The following HIPK1 variants were observed in gnomAD, a reference collection of about 807,000 sequenced individuals.
HIPK1 encodes homeodomain-interacting protein kinase 1.
HIPK1 carries 28 observed loss-of-function variants against 117.1 expected under a neutral mutation model. That is an observed-to-expected ratio of 0.24 (90% CI 0.18 to 0.33). The LOEUF (loss-of-function observed/expected upper bound fraction) is 0.33. Among genes scored for constraint, HIPK1 ranks in the 10% least tolerant of loss-of-function variants. The pLI is 1.00. For synonymous variants in HIPK1, 605 were observed against 562.5 expected (o/e 1.08, Z -1.07); for missense variants, 1,122 against 1,475.1 (o/e 0.76, Z 3.92).
intron 8 of HIPK1, among the ~76,000 whole-genome samples, chr1:113,960,204 T>C (rs1039383099): frequency 7.9e-5 from 12 of 152,258 alleles, no homozygotes; most frequent in Non-Finnish European, 1.3e-4. Flanking sequence ...CAATTTATTC[T>C]TTCCATACTT....
chr1:113,963,401 A>G lies in HIPK1; in HGVS notation c.2118A>G (p.Pro706=), dbSNP rs1323789231. The stretch of plus-strand genomic sequence containing the variant: ...CTACGTTTCAGGGAAGCTGTACACC[A>G]CTAATGGTAGCAACTCTCCACCCTC... The part of the protein sequence containing the change: ...SGVLTQGSCT[P]LMVATLHPQV... Residue 706 remains proline (P), a synonymous_variant, in exon 10 of 16, where the codon CCA becomes CCG. Coordinates refer to ENST00000426820, the MANE Select transcript of HIPK1 (RefSeq NM_198268.3). 6.2e-7 allele frequency: 1 copy of G among 1,614,182 alleles called. No individual in the cohort carries two copies. The highest frequency in any genetic ancestry group is 1.7e-5 in the Admixed American group (1 of 60,014).
chr1:113,945,906 A>G (rs1181978961), intron 2 of HIPK1, among the ~76,000 whole-genome samples: 1 of 152,178 alleles, frequency 6.6e-6, no homozygotes, highest in African/African-American at 2.4e-5. Flanking sequence ...TTTATTAAGG[A>G]TAGCGATGAA....
chr1:113,948,486 C>G (rs1055023480), intron 2 of HIPK1, among the ~76,000 whole-genome samples: 1 of 151,384 alleles, frequency 6.6e-6, no homozygotes, highest in African/African-American at 2.4e-5. Context: ...AACTCCTGCT[C>G]AAGTGATCCT....
intron 1 of HIPK1, among the ~76,000 whole-genome samples, chr1:113,937,179 A>C (rs1242564820): frequency 6.6e-6 from 1 of 152,182 alleles, no homozygotes; most frequent in Non-Finnish European, 1.5e-5. Context: ...AAGTTTATAT[A>C]AATTATGGAA....
chr1:113,971,538 G>A (rs991087959), intron 14 of HIPK1, among the ~76,000 whole-genome samples: 4 of 152,166 alleles, frequency 2.6e-5, no homozygotes, highest in Non-Finnish European at 4.4e-5. Flanking sequence ...GAGAGGGATG[G>A]TGTCTTAGCA....
intron 14 of HIPK1, among the ~76,000 whole-genome samples, chr1:113,971,094 C>G (rs1482642793): frequency 6.6e-6 from 1 of 152,178 alleles, no homozygotes; most frequent in Admixed American, 6.5e-5. Flanking sequence ...TATGTATTAT[C>G]TTACTGCCAT....
intron 11 of HIPK1, among the ~76,000 whole-genome samples, chr1:113,967,378 GC>G (rs1465824014): frequency 8.6e-5 from 13 of 152,008 alleles, no homozygotes; most frequent in African/African-American, 3.1e-4. Flanking sequence ...CATATCCTTG[GC>G]AGTGTTTATT....
rs763853155 is a variant in HIPK1, at chr1:113,929,446, C to T, written c.-89C>T. 1.0e-5 allele frequency: 13 copies of T among 1,289,248 alleles called. No homozygotes were observed. The South Asian group carries it at 1.6e-4, about 16-fold the overall frequency. 79.9% of individuals were successfully genotyped at this position (1,289,248 alleles called of 1,614,324 possible). A position where few individuals can be genotyped will look rare whatever the true frequency, so the allele number is the denominator to read the frequency against. On this transcript the variant is annotated 5_prime_UTR_variant, in exon 1 of 16. Coordinates refer to ENST00000426820, the MANE Select transcript of HIPK1 (RefSeq NM_198268.3). Reference sequence around the variant, plus strand: ...GATCCACGCTGGCTCCCTACGGAGGCCCACCTACTCGAGGCCCACCGACTC... The same window carrying T: ...GATCCACGCTGGCTCCCTACGGAGGTCCACCTACTCGAGGCCCACCGACTC...
chr1:113,941,250 C>G lies in HIPK1; in HGVS notation c.867C>G (p.Leu289=), dbSNP rs752003214. 1.2e-6 allele frequency: 2 copies of G among 1,614,228 alleles called. No homozygotes were observed. Among genetic ancestry groups the G allele is most frequent in the Admixed American group, 1.7e-5 (1 of 60,032 alleles). The change falls in exon 2 of 16, where the codon CTC becomes CTG. Residue 289 remains leucine (L), a synonymous_variant. Coordinates refer to ENST00000426820, the MANE Select transcript of HIPK1 (RefSeq NM_198268.3). The surrounding 1 kb of genome is among the most constrained non-coding windows in gnomAD (Gnocchi z 4.9). ...LKQNKFSPLP[L]KYIRPILQQV... is the part of the protein sequence containing the mutation. ...AAAACAAATTTAGCCCACTGCCACT[C>G]AAGTACATCAGACCAATCTTGCAGC...
chr1:113,972,657 A>G (rs189250222), intron 15 of HIPK1, among the ~76,000 whole-genome samples: 1 of 152,320 alleles, frequency 6.6e-6, no homozygotes, highest in Non-Finnish European at 1.5e-5. Flanking sequence ...GAGGACGAAA[A>G]CAAAAGAAAG....
At chr1:113,951,136 G>A (rs1671335800) in intron 2 of HIPK1, 2 of 686,892 alleles carry the variant, frequency 2.9e-6, no homozygotes, top group Admixed American at 6.3e-5. Context: ...TTAGAACAGT[G>A]CATGGCACAT....
rs144789226 is a variant in HIPK1 at position 113,960,209 on chromosome 1, A to G, written c.1981+1918A>G. Among the ~76,000 whole-genome samples, 1,020 of 152,306 alleles carry G rather than the reference A, an allele frequency of 6.7e-3. 12 individuals are homozygous for G. Among genetic ancestry groups the G allele is most frequent in the African/African-American group, 0.023 (949 of 41,560 alleles). ...ATCAGTTAGGCAATTTATTCTTTCCATACTTACCTGATTCTTTATTTAAAG... is the reference window on the plus strand; with the variant it reads ...ATCAGTTAGGCAATTTATTCTTTCCGTACTTACCTGATTCTTTATTTAAAG... On this transcript the variant is annotated intron_variant, in intron 8 of 15. Coordinates refer to ENST00000426820, the MANE Select transcript of HIPK1 (RefSeq NM_198268.3).
Position 113,973,624 on chromosome 1 carries a change from A to G in HIPK1, c.*112A>G, listed in dbSNP as rs550252605. ...CCCTCTTGAAATTTCTTAGCCAGCA[A>G]CTTGTTCTGCAGGGGCCCACTGAAG... is the stretch of plus-strand genomic sequence containing the variant. On this transcript the variant is annotated 3_prime_UTR_variant, in exon 16 of 16. Transcript: ENST00000426820. The G allele has an allele frequency of 1.4e-5, 18 of 1,312,438 alleles. No homozygotes were observed. Among genetic ancestry groups the G allele is most frequent in the Admixed American group, 7.7e-5 (3 of 38,986 alleles). 81.3% of individuals were successfully genotyped at this position (1,312,438 alleles called of 1,614,324 possible). A position where few individuals can be genotyped will look rare whatever the true frequency, so the allele number is the denominator to read the frequency against.
Position 113,941,449 on chromosome 1 carries a change from C to T in HIPK1, c.1066C>T (p.Arg356Cys). 1 of 1,611,356 alleles carries T rather than the reference C, an allele frequency of 6.2e-7. No homozygotes were observed. Among genetic ancestry groups the T allele is most frequent in the Non-Finnish European group, 8.5e-7 (1 of 1,177,976 alleles). Residue 356 changes from arginine to cysteine, a missense_variant, in exon 2 of 16, where the codon CGT becomes TGT. This residue lies in a region of HIPK1 where 127 missense variants were observed against 197.9 expected (regional missense o/e 0.64). Transcript: ENST00000426820. The surrounding 1 kb of genome is among the most constrained non-coding windows in gnomAD (Gnocchi z 4.9). ...TGTGTGCTCAACCTACTTACAGTCA[C>T]GTTACTACAGGCAAGTGGCAAATGC... ...KAVCSTYLQS[R>C]YYRAPEIILG...
chr1:113,942,052 T>C (rs981352457), intron 2 of HIPK1, among the ~76,000 whole-genome samples: 3 of 151,770 alleles, frequency 2.0e-5, no homozygotes, highest in Non-Finnish European at 4.4e-5. Flanking sequence ...TGAGCCACCG[T>C]GCCCAGCCTA....
chr1:113,934,630 G>A (rs895192217), intron 1 of HIPK1, among the ~76,000 whole-genome samples: 3 of 151,826 alleles, frequency 2.0e-5, no homozygotes, highest in Non-Finnish European at 2.9e-5. Context: ...GTCAAGAGGC[G>A]CAGCATTTTC....
rs1004665794 is a variant in HIPK1 at position 113,941,517 on chromosome 1, C to T, written c.1076+58C>T. ...GCTAGAGTTCTGTCCTTATATTTAA[C>T]ATATACCCCGTAGGCTACATATAGC... is the stretch of plus-strand genomic sequence containing the variant. On this transcript the variant is annotated intron_variant, in intron 2 of 15. Transcript: ENST00000426820. The surrounding 1 kb of genome is among the most constrained non-coding windows in gnomAD (Gnocchi z 4.9). 6 of 1,308,878 alleles carry T rather than the reference C, an allele frequency of 4.6e-6. No individual in the cohort carries two copies. Among genetic ancestry groups the T allele is most frequent in the Non-Finnish European group, 6.4e-6 (6 of 932,192 alleles). The allele number at this position is 1,308,878 out of a possible 1,614,324, so 81.1% of individuals were successfully genotyped here.
At chr1:113,929,855 C>T (rs1642567546) in intron 1 of HIPK1, 2 of 987,618 alleles carry the variant, frequency 2.0e-6, no homozygotes, top group African/African-American at 1.7e-5. Flanking sequence ...GTATGATGAC[C>T]CGGCTGCGGG....
chr1:113,929,568 G>A (rs1399259180), intron 1 of HIPK1, 36 bp downstream of exon 1: 1 of 1,267,578 alleles, frequency 7.9e-7, no homozygotes. Context: ...GAATAGTTCC[G>A]GCGAGGCGGG....
Sources: allele counts gnomAD v4.1 joint callset (sites outside exome capture counted in the v4.1 genomes callset), GRCh38; gene constraint gnomAD v4.1.1; regional missense constraint gnomAD v4.1.1; non-coding constraint Gnocchi (gnomAD v3.1); transcripts MANE v1.5; gene names NCBI Gene and HGNC (gene_info 2026-07-23, HGNC 2026-07-21).